MYO3B: variants seen among roughly 807,000 people sequenced by gnomAD.
The protein encoded by MYO3B is myosin-IIIb.
Under a neutral mutation model 174.6 loss-of-function variants are expected in MYO3B, and 156 were observed. The ratio of observed to expected loss-of-function variants is 0.89; its 90% CI spans 0.78 to 1.02. The LOEUF (loss-of-function observed/expected upper bound fraction) is 1.02, where lower values mean the gene tolerates loss of function less well. MYO3B is among the 50% of genes least tolerant of loss of function. The pLI, the probability that MYO3B is intolerant of heterozygous loss-of-function variation, is 0.00. For missense variants in MYO3B, 1,632 were observed against 1,639.4 expected, an observed-to-expected ratio of 1.00 and a Z score of 0.08; for synonymous variants, 563 against 569.1, an observed-to-expected ratio of 0.99 and a Z score of 0.15.
At chr2:170,367,247 C>T (rs1431095424) in intron 8 of MYO3B, among the ~76,000 whole-genome samples, 1 of 152,128 alleles carries the variant, frequency 6.6e-6, no homozygotes, top group Admixed American at 6.5e-5. Context: ...AGGAAGAAAG[C>T]CAAAACAAAA....
intron 32 of MYO3B, among the ~76,000 whole-genome samples, chr2:170,556,458 A>G (rs1312764144): frequency 6.6e-6 from 1 of 152,172 alleles, no homozygotes; most frequent in East Asian, 1.9e-4. Context: ...TCCTTCAGCA[A>G]TGAGTGAGAG....
chr2:170,506,344 G>A (rs547470327), intron 28 of MYO3B, among the ~76,000 whole-genome samples: 1 of 152,294 alleles, frequency 6.6e-6, no homozygotes, highest in East Asian at 1.9e-4. Context: ...CTTTTCAAAA[G>A]GCTGTTTAAA....
At chr2:170,371,295 C>A (rs1418391653) in intron 9 of MYO3B, among the ~76,000 whole-genome samples, 1 of 151,564 alleles carries the variant, frequency 6.6e-6, no homozygotes, top group East Asian at 1.9e-4. Flanking sequence ...TCTCTCATCC[C>A]CTTTCTCTAA....
chr2:170,620,739 C>A (rs1695840343), intron 32 of MYO3B, among the ~76,000 whole-genome samples: 1 of 152,198 alleles, frequency 6.6e-6, no homozygotes, highest in Non-Finnish European at 1.5e-5. Context: ...AGCTTAGGAA[C>A]CTTTCAGTCT....
chr2:170,646,700 C>T (rs1444077279), intron 32 of MYO3B, among the ~76,000 whole-genome samples: 3 of 152,152 alleles, frequency 2.0e-5, no homozygotes, highest in Non-Finnish European at 4.4e-5. Context: ...CCAGCCAGCT[C>T]TGTTTATTGC....
chr2:170,485,398 C>CACAT (rs1290846387), intron 25 of MYO3B, among the ~76,000 whole-genome samples: 1 of 125,380 alleles, frequency 8.0e-6, no homozygotes, highest in Non-Finnish European at 1.7e-5. Flanking sequence ...CACACACACA[C>CACAT]ACACACACAC....
chr2:170,372,142 A>AAAC (rs2094253207), intron 9 of MYO3B, among the ~76,000 whole-genome samples: 1 of 149,116 alleles, frequency 6.7e-6, no homozygotes, highest in Non-Finnish European at 1.5e-5. Context: ...AAAAAAAAAA[A>AAAC]AAACAACAAC....
At chr2:170,377,669 A>C (rs1306846505) in intron 9 of MYO3B, among the ~76,000 whole-genome samples, 1 of 152,040 alleles carries the variant, frequency 6.6e-6, no homozygotes, top group East Asian at 1.9e-4. Flanking sequence ...CTAAGCTCCA[A>C]CTCGCAAACT....
At chr2:170,488,265 G>A (rs1686198231) in intron 25 of MYO3B, among the ~76,000 whole-genome samples, 1 of 149,910 alleles carries the variant, frequency 6.7e-6, no homozygotes, top group Admixed American at 6.6e-5. Context: ...AAGTAGAAAA[G>A]TAGCAGTGGT....
chr2:170,238,468 T>C (rs12692946), intron 7 of MYO3B, among the ~76,000 whole-genome samples: 75,532 of 151,990 alleles, frequency 0.5, 19,468 homozygotes, highest in African/African-American at 0.62. Context: ...TTTTTTTCTA[T>C]TTGAATGTGA....
At chr2:170,303,200 A>G (rs1488449042) in intron 7 of MYO3B, among the ~76,000 whole-genome samples, 1 of 152,148 alleles carries the variant, frequency 6.6e-6, no homozygotes, top group Admixed American at 6.5e-5. Context: ...CTCCTACTAA[A>G]AAAAGTATTA....
chr2:170,322,640 A>G, intron 7 of MYO3B, among the ~76,000 whole-genome samples: 1 of 152,262 alleles, frequency 6.6e-6, no homozygotes, highest in South Asian at 2.1e-4. Context: ...CGATCTCTAT[A>G]AAGCCTTTGT....
chr2:170,505,817 T>C (rs914252840), intron 28 of MYO3B, among the ~76,000 whole-genome samples: 3 of 152,224 alleles, frequency 2.0e-5, no homozygotes, highest in Non-Finnish European at 2.9e-5. Flanking sequence ...GGAGGAGTGG[T>C]CTTCCAGCAC....
intron 23 of MYO3B, among the ~76,000 whole-genome samples, chr2:170,455,242 T>C (rs1474793973): frequency 6.6e-6 from 1 of 152,234 alleles, no homozygotes; most frequent in Non-Finnish European, 1.5e-5. Context: ...TTATTGTCTT[T>C]GTTTCAAAGC....
At chr2:170,353,324 A>G (rs563732397) in intron 8 of MYO3B, among the ~76,000 whole-genome samples, 2 of 152,140 alleles carry the variant, frequency 1.3e-5, no homozygotes, top group African/African-American at 4.8e-5. Context: ...TATATACTGT[A>G]GGATTCCAAT....
intron 6 of MYO3B, among the ~76,000 whole-genome samples, chr2:170,227,279 C>CT (rs886548544): frequency 5.9e-5 from 9 of 151,984 alleles, no homozygotes; most frequent in African/African-American, 1.9e-4. Flanking sequence ...ATTTCTCATA[C>CT]TTTTTTGTGA....
intron 25 of MYO3B, among the ~76,000 whole-genome samples, chr2:170,493,083 C>T (rs1396085496): frequency 6.6e-6 from 1 of 152,140 alleles, no homozygotes; most frequent in Non-Finnish European, 1.5e-5. Flanking sequence ...AATTAACCAC[C>T]GTTGTTTTGA....
chr2:170,367,300 G>A (rs2094206315), intron 8 of MYO3B, among the ~76,000 whole-genome samples: 1 of 152,168 alleles, frequency 6.6e-6, no homozygotes, highest in African/African-American at 2.4e-5. Context: ...TATTATGTGA[G>A]GAAACAAGAA....
At chr2:170,570,581 A>G (rs960902073) in intron 32 of MYO3B, among the ~76,000 whole-genome samples, 1 of 152,170 alleles carries the variant, frequency 6.6e-6, no homozygotes, top group African/African-American at 2.4e-5. Flanking sequence ...AGACCTTGCT[A>G]TGCCTTCCAC....
Sources: gnomAD v4.1 joint callset for allele counts (sites outside exome capture counted in the v4.1 genomes callset) on GRCh38, gnomAD v4.1.1 for gene constraint, MANE v1.5 for transcripts, NCBI Gene and HGNC (gene_info 2026-07-23, HGNC 2026-07-21) for gene names.